Variants in NDST4 observed in about 807,000 individuals in gnomAD.
NDST4 encodes the protein N-heparan sulfate sulfotransferase 4.
In NDST4, 63 loss-of-function variants were observed where a neutral mutation model predicts 100.8. The ratio of observed to expected loss-of-function variants is 0.62; its 90% CI spans 0.51 to 0.77. NDST4 has a LOEUF of 0.77. Ranked by LOEUF, NDST4 falls within the 30% of genes least tolerant of loss-of-function variation. NDST4 has a pLI of 0.00. For synonymous variants in NDST4, 377 were observed against 361.8 expected (o/e 1.04, Z -0.48); for missense variants, 943 against 1,018.4 (o/e 0.93, Z 1.01).
At chr4:115,106,552 T>C (rs1342598566) in intron 1 of NDST4, among the ~76,000 whole-genome samples, 2 of 152,132 alleles carry the variant, frequency 1.3e-5, no homozygotes, top group African/African-American at 2.4e-5. Context: ...AGATGACTTA[T>C]GATACCTAAT....
chr4:114,882,627 G>A (rs1251533818), intron 6 of NDST4, among the ~76,000 whole-genome samples: 1 of 151,952 alleles, frequency 6.6e-6, no homozygotes, highest in African/African-American at 2.4e-5. Context: ...CAAGAACTGA[G>A]GGGCAATATC....
chr4:115,104,103 A>G (rs908851328), intron 1 of NDST4, among the ~76,000 whole-genome samples: 1 of 152,170 alleles, frequency 6.6e-6, no homozygotes, highest in Non-Finnish European at 1.5e-5. Context: ...TATTCAAAAT[A>G]TATTTTGGGG....
intron 6 of NDST4, among the ~76,000 whole-genome samples, chr4:114,878,754 T>C (rs1003245599): frequency 6.6e-6 from 1 of 152,070 alleles, no homozygotes; most frequent in Non-Finnish European, 1.5e-5. Context: ...AAACATTGTA[T>C]ATTATCACCA....
chr4:115,071,352 C>T (rs1043184484), intron 2 of NDST4, among the ~76,000 whole-genome samples: 1 of 150,570 alleles, frequency 6.6e-6, no homozygotes. Flanking sequence ...GAGGATAAGG[C>T]TATGTCTGAA....
At chr4:115,058,190 T>A (rs977426126) in intron 2 of NDST4, among the ~76,000 whole-genome samples, 2 of 152,182 alleles carry the variant, frequency 1.3e-5, no homozygotes, top group African/African-American at 4.8e-5. Context: ...ATGATACTTT[T>A]ACCTTTTCAT....
At chr4:115,022,812 G>T (rs1331015956) in intron 2 of NDST4, among the ~76,000 whole-genome samples, 2 of 152,066 alleles carry the variant, frequency 1.3e-5, no homozygotes, top group African/African-American at 4.8e-5. Flanking sequence ...TTAAAAATAG[G>T]AATTTCCCTG....
At chr4:114,852,968 C>T in intron 7 of NDST4, 147 bp from the exon 8 acceptor site, 2 of 535,670 alleles carry the variant, frequency 3.7e-6, no homozygotes, top group Non-Finnish European at 6.6e-6. Context: ...GTTTCCAAAT[C>T]TTTTTTAAAT....
chr4:114,893,773 T>C (rs1251955271), intron 6 of NDST4, among the ~76,000 whole-genome samples: 4 of 152,334 alleles, frequency 2.6e-5, no homozygotes, highest in South Asian at 4.1e-4. Context: ...TTTTGGCTTT[T>C]GTTGCATTTG....
chr4:115,025,187 A>G (rs1727956664), intron 2 of NDST4, among the ~76,000 whole-genome samples: 1 of 152,140 alleles, frequency 6.6e-6, no homozygotes, highest in South Asian at 2.1e-4. Flanking sequence ...GTATTGGACA[A>G]GTGTGACACA....
intron 6 of NDST4, 66 bp from the exon 7 acceptor site, chr4:114,871,016 C>T (rs1376369819): frequency 1.6e-6 from 2 of 1,214,176 alleles, no homozygotes; most frequent in African/African-American, 1.6e-5. Flanking sequence ...GCAGTACAAG[C>T]CCCAGGCAGC....
At chr4:114,870,296 T>G (rs1339144155) in intron 7 of NDST4, among the ~76,000 whole-genome samples, 1 of 152,196 alleles carries the variant, frequency 6.6e-6, no homozygotes, top group Non-Finnish European at 1.5e-5. Flanking sequence ...CTTGAGAGGT[T>G]AACTCTATAT....
intron 2 of NDST4, among the ~76,000 whole-genome samples, chr4:115,070,399 C>G (rs1729049781): frequency 6.6e-6 from 1 of 151,992 alleles, no homozygotes; most frequent in African/African-American, 2.4e-5. Flanking sequence ...ATGACAGATA[C>G]TGGAGGGTGG....
intron 4 of NDST4, 35 bp downstream of exon 4, chr4:114,970,395 A>C: frequency 6.3e-7 from 1 of 1,580,592 alleles, no homozygotes; most frequent in Non-Finnish European, 8.6e-7. Context: ...ATCACAACTT[A>C]TAGTTCAAAA....
chr4:114,904,308 G>A (rs1372801975), intron 6 of NDST4, among the ~76,000 whole-genome samples: 1 of 151,816 alleles, frequency 6.6e-6, no homozygotes, highest in Non-Finnish European at 1.5e-5. Context: ...TCAAAAATGT[G>A]AAGAAATTTG....
chr4:114,963,415 G>T (rs963022782), intron 4 of NDST4, among the ~76,000 whole-genome samples: 4 of 151,996 alleles, frequency 2.6e-5, no homozygotes, highest in Non-Finnish European at 5.9e-5. Flanking sequence ...TTAGTTATTT[G>T]CTTAGGTTGA....
At chr4:114,932,515 GA>G (rs200693693) in intron 6 of NDST4, among the ~76,000 whole-genome samples, 1 of 151,178 alleles carries the variant, frequency 6.6e-6, no homozygotes, top group East Asian at 1.9e-4. Flanking sequence ...GCAAGAGAAA[GA>G]AAAAAAAGAC....
chr4:114,837,446 C>T (rs1478108789), intron 11 of NDST4, among the ~76,000 whole-genome samples: 1 of 152,074 alleles, frequency 6.6e-6, no homozygotes, highest in African/African-American at 2.4e-5. Flanking sequence ...GCTACAGTAA[C>T]CAAACAAGCA....
At chr4:114,878,773 CAGT>C (rs1724308502) in intron 6 of NDST4, among the ~76,000 whole-genome samples, 2 of 151,856 alleles carry the variant, frequency 1.3e-5, no homozygotes, top group East Asian at 3.9e-4. Flanking sequence ...CATGGATATT[CAGT>C]TAAAATAAAT....
At chr4:115,065,301 G>A (rs1225980422) in intron 2 of NDST4, among the ~76,000 whole-genome samples, 1 of 152,010 alleles carries the variant, frequency 6.6e-6, no homozygotes, top group African/African-American at 2.4e-5. Flanking sequence ...ACAGATATAT[G>A]GTATGAGGGT....
Sources: gnomAD v4.1 joint callset for allele counts (sites outside exome capture counted in the v4.1 genomes callset) on GRCh38, gnomAD v4.1.1 for gene constraint, MANE v1.5 for transcripts, NCBI Gene and HGNC (gene_info 2026-07-23, HGNC 2026-07-21) for gene names.